The following REDIC1 variants were observed in gnomAD, a reference collection of about 807,000 sequenced individuals.
The protein encoded by REDIC1 is HEI10 Interacting Protein 1.
At chr12:39,805,075 C>T in the REDIC1 span, among the ~76,000 whole-genome samples, 1 of 8,720 alleles carries the variant, frequency 1.1e-4, no homozygotes, top group Admixed American at 1.2e-3. Context: ...GCCTGCTGGG[C>T]AGGCAAGAAC....
At chr12:39,841,527 T>C in the REDIC1 span, among the ~76,000 whole-genome samples, 4 of 152,084 alleles carry the variant, frequency 2.6e-5, no homozygotes, top group Admixed American at 6.6e-5. Flanking sequence ...ATTTTGCATG[T>C]GTAAGATAAC....
chr12:39,834,554 A>G, the REDIC1 span, among the ~76,000 whole-genome samples: 1 of 152,060 alleles, frequency 6.6e-6, no homozygotes, highest in East Asian at 1.9e-4. Flanking sequence ...AAAAGCATGA[A>G]AAACTATTCC....
At chr12:39,802,784 T>C in the REDIC1 span, among the ~76,000 whole-genome samples, 204 of 152,304 alleles carry the variant, frequency 1.3e-3, 2 homozygotes, top group African/African-American at 4.5e-3. Context: ...TAGATATGGA[T>C]ATGTAACTAT....
At chr12:39,655,936 A>G in the REDIC1 span, among the ~76,000 whole-genome samples, 17 of 151,816 alleles carry the variant, frequency 1.1e-4, no homozygotes, top group East Asian at 2.9e-3. Context: ...GTATTTGCCA[A>G]ATTGCTCACT....
At chr12:39,667,479 AC>A in the REDIC1 span, among the ~76,000 whole-genome samples, 3 of 152,200 alleles carry the variant, frequency 2.0e-5, no homozygotes, top group Non-Finnish European at 4.4e-5. Context: ...GGAGTGCTTT[AC>A]TTCCAACTAT....
At chr12:39,673,100 G>T in the REDIC1 span, among the ~76,000 whole-genome samples, 1 of 152,048 alleles carries the variant, frequency 6.6e-6, no homozygotes, top group Non-Finnish European at 1.5e-5. Context: ...GCTTCTCCTG[G>T]CTCTGCTATT....
At chr12:39,906,004 A>T in the REDIC1 span, among the ~76,000 whole-genome samples, 1 of 152,170 alleles carries the variant, frequency 6.6e-6, no homozygotes, top group Non-Finnish European at 1.5e-5. Context: ...ACAGCTGATT[A>T]AGAGGACTCT....
chr12:39,699,556 G>C, the REDIC1 span, among the ~76,000 whole-genome samples: 74 of 152,342 alleles, frequency 4.9e-4, no homozygotes, highest in Non-Finnish European at 8.8e-5. Context: ...GCTTGCTTAG[G>C]TAAACAAAGC....
At chr12:39,773,125 C>T in the REDIC1 span, among the ~76,000 whole-genome samples, 2 of 152,182 alleles carry the variant, frequency 1.3e-5, no homozygotes, top group African/African-American at 4.8e-5. Flanking sequence ...AATACTTTGA[C>T]ATCAGTGTGT....
At chr12:39,789,244 G>A in the REDIC1 span, among the ~76,000 whole-genome samples, 11 of 151,762 alleles carry the variant, frequency 7.2e-5, no homozygotes, top group Admixed American at 5.3e-4. Flanking sequence ...TATTTTCTAC[G>A]CATGTACTCC....
the REDIC1 span, among the ~76,000 whole-genome samples, chr12:39,815,643 A>G: frequency 0.015 from 2,295 of 152,314 alleles, 25 homozygotes; most frequent in Middle Eastern, 0.024. Context: ...TAATGCAATA[A>G]TTATTGGTTA....
the REDIC1 span, among the ~76,000 whole-genome samples, chr12:39,805,826 G>A: frequency 3.4e-3 from 520 of 152,138 alleles, 8 homozygotes; most frequent in African/African-American, 0.012. Flanking sequence ...GGAGTTGCCC[G>A]TTTTTTTCTC....
the REDIC1 span, among the ~76,000 whole-genome samples, chr12:39,855,130 C>A: frequency 2.0e-4 from 31 of 152,300 alleles, no homozygotes; most frequent in Admixed American, 2.0e-4. Context: ...CATTTACATT[C>A]ACTATGGTGT....
the REDIC1 span, among the ~76,000 whole-genome samples, chr12:39,632,028 T>C: frequency 7.3e-6 from 1 of 136,226 alleles, no homozygotes; most frequent in Non-Finnish European, 1.6e-5. Flanking sequence ...TGTTCCCATA[T>C]TTACATATAT....
chr12:39,769,507 AATAT>A, the REDIC1 span, among the ~76,000 whole-genome samples: 1 of 146,408 alleles, frequency 6.8e-6, no homozygotes, highest in Admixed American at 7.0e-5. Flanking sequence ...TTTTTCTCTC[AATAT>A]TTGAGAAAAG....
At chr12:39,841,557 TATATAC>T in the REDIC1 span, among the ~76,000 whole-genome samples, 2 of 152,104 alleles carry the variant, frequency 1.3e-5, no homozygotes, top group African/African-American at 4.8e-5. Context: ...AATGTATATC[TATATAC>T]ATATACATAT....
the REDIC1 span, among the ~76,000 whole-genome samples, chr12:39,717,971 CTT>C: frequency 2.0e-5 from 3 of 148,264 alleles, no homozygotes; most frequent in Non-Finnish European, 1.5e-5. Context: ...CACCTTTCAC[CTT>C]TTTTTTTTGC....
chr12:39,893,207 C>T, the REDIC1 span, among the ~76,000 whole-genome samples: 17 of 152,276 alleles, frequency 1.1e-4, no homozygotes, highest in East Asian at 3.3e-3. Flanking sequence ...TAGAAAAATG[C>T]TTAGCAACAT....
At chr12:39,663,125 C>T in the REDIC1 span, among the ~76,000 whole-genome samples, 3 of 151,728 alleles carry the variant, frequency 2.0e-5, no homozygotes, top group Non-Finnish European at 4.4e-5. Context: ...TCAGAGTAAT[C>T]CGGCTTCATA....
Sources: gnomAD v4.1 joint callset for allele counts (sites outside exome capture counted in the v4.1 genomes callset) on GRCh38, gnomAD v4.1.1 for gene constraint, MANE v1.5 for transcripts, NCBI Gene and HGNC (gene_info 2026-07-23, HGNC 2026-07-21) for gene names.